Variants in BTBD3 observed in about 807,000 individuals in gnomAD.
BTBD3 encodes BTB domain containing 3.
BTBD3 carries 14 observed loss-of-function variants against 41.6 expected under a neutral mutation model. The ratio of observed to expected loss-of-function variants is 0.34; its 90% CI spans 0.22 to 0.53. The LOEUF (loss-of-function observed/expected upper bound fraction) is 0.53, where lower values mean the gene tolerates loss of function less well. Among genes scored for constraint, BTBD3 ranks in the 20% least tolerant of loss-of-function variants. The pLI is 0.95. For missense variants in BTBD3, 426 were observed against 654.7 expected, an observed-to-expected ratio of 0.65 and a Z score of 3.81; for synonymous variants, 249 against 233.7, an observed-to-expected ratio of 1.07 and a Z score of -0.60.
rs116772045 is a variant in BTBD3 at position 11,911,309 on chromosome 20, T to A, written c.-125-7025T>A. On this transcript the variant is annotated intron_variant, in intron 1 of 4. Transcript: ENST00000254977. ...ACACAGAGTTTTAGTTGGGTATTGG[T>A]CATAATCATATTAAAATGTAAAGAA... Among the ~76,000 whole-genome samples the A allele has an allele frequency of 3.7e-3, 558 of 152,334 alleles. 5 individuals are homozygous for A. Among genetic ancestry groups the A allele is most frequent in the African/African-American group, 0.013 (539 of 41,580 alleles).
At chr20:11,905,651 G>A (rs2056848859) in intron 1 of BTBD3, among the ~76,000 whole-genome samples, 1 of 152,166 alleles carries the variant, frequency 6.6e-6, no homozygotes, top group South Asian at 2.1e-4. Flanking sequence ...TGCTCCTTTG[G>A]CACTGTTCAC....
chr20:11,901,893 A>G (rs2056825859), intron 1 of BTBD3, among the ~76,000 whole-genome samples: 1 of 152,184 alleles, frequency 6.6e-6, no homozygotes, highest in Non-Finnish European at 1.5e-5. Context: ...CTGAGTGTGA[A>G]GTAGTTGTGA....
intron 1 of BTBD3, among the ~76,000 whole-genome samples, chr20:11,911,683 A>T (rs976400279): frequency 2.0e-5 from 3 of 152,246 alleles, no homozygotes; most frequent in Non-Finnish European, 2.9e-5. Context: ...GACAAACTTG[A>T]TCTAGAGTAT....
chr20:11,906,231 A>G (rs1600233710), intron 1 of BTBD3, among the ~76,000 whole-genome samples: 5 of 104,340 alleles, frequency 4.8e-5, no homozygotes, highest in Non-Finnish European at 1.0e-4. Context: ...TACTGATACC[A>G]TAATTTCCAT....
rs1425937840 is a variant in BTBD3, at chr20:11,925,440, T to C, written c.*1774T>C. ...GAGGAGAACACTGGATTATTGGAAA[T>C]GTTTTAATCACTCTTGCCATTACCT... On this transcript the variant is annotated 3_prime_UTR_variant, in exon 4 of 4. Coordinates refer to ENST00000378226, the MANE Select transcript of BTBD3 (RefSeq NM_014962.4). 1 of 152,674 alleles carries C rather than the reference T, an allele frequency of 6.5e-6. No individual in the cohort carries two copies. The highest frequency in any genetic ancestry group is 1.5e-5 in the Non-Finnish European group (1 of 68,044). The allele number at this position is 152,674 out of a possible 1,614,324, so 9.5% of individuals were successfully genotyped here. A position where few individuals can be genotyped will look rare whatever the true frequency, so the allele number is the denominator to read the frequency against.
intron 3 of BTBD3, among the ~76,000 whole-genome samples, chr20:11,920,236 C>T (rs2056957609): frequency 6.6e-6 from 1 of 152,196 alleles, no homozygotes; most frequent in African/African-American, 2.4e-5. Flanking sequence ...ATTTAAGTAA[C>T]ACCAGTTGGG....
At chr20:11,900,048 G>C (rs965598131) in intron 1 of BTBD3, among the ~76,000 whole-genome samples, 2 of 152,122 alleles carry the variant, frequency 1.3e-5, no homozygotes, top group Admixed American at 6.5e-5. Context: ...ATTTTTCTAT[G>C]ATGCTATATA....
At chr20:11,898,702 C>T (rs867086537) in intron 1 of BTBD3, among the ~76,000 whole-genome samples, 6 of 152,242 alleles carry the variant, frequency 3.9e-5, no homozygotes, top group Middle Eastern at 3.4e-3. Flanking sequence ...CATAAAGCAA[C>T]ACATGCATAG....
chr20:11,919,356 C>G (rs956933252), intron 2 of BTBD3, 180 bp downstream of exon 2: 110 of 1,415,886 alleles, frequency 7.8e-5, no homozygotes, highest in Non-Finnish European at 9.5e-5. Flanking sequence ...TCTTTGTTTC[C>G]TTCTATACTG....
At chr20:11,910,877 C>T (rs1259818726) in intron 1 of BTBD3, among the ~76,000 whole-genome samples, 1 of 152,122 alleles carries the variant, frequency 6.6e-6, no homozygotes, top group African/African-American at 2.4e-5. Flanking sequence ...GATATTCTAC[C>T]ATATCAATGG....
At chr20:11,913,230 T>G (rs2056899787), upstream of BTBD3, 1 of 152,210 alleles carries the variant, frequency 6.6e-6, no homozygotes, top group East Asian at 1.9e-4. Context: ...TTAGAGCAAG[T>G]TAAACAAGAG....
chr20:11,906,254 C>CTTTTTTTTTTTTTTCTTTTTTTTT (rs2056853378), intron 1 of BTBD3, among the ~76,000 whole-genome samples: 1 of 36,194 alleles, frequency 2.8e-5, no homozygotes, highest in Non-Finnish European at 4.9e-5. Context: ...ATTATTACTC[C>CTTTTTTTTTTTTTTCTTTTTTTTT]TTTTTTTTTT....
chr20:11,920,931 T>C (rs1400429089), intron 3 of BTBD3, among the ~76,000 whole-genome samples: 2 of 117,364 alleles, frequency 1.7e-5, no homozygotes, highest in South Asian at 3.1e-4. Flanking sequence ...TTTTGAAATA[T>C]AATTGTCACT....
intron 1 of BTBD3, among the ~76,000 whole-genome samples, chr20:11,897,340 C>A (rs1408127730): frequency 1.3e-5 from 2 of 152,146 alleles, no homozygotes; most frequent in Non-Finnish European, 2.9e-5. Context: ...AATTTCTGAT[C>A]TTTCTCTGCA....
At chr20:11,900,830 C>G (rs747956349) in intron 1 of BTBD3, among the ~76,000 whole-genome samples, 11 of 151,802 alleles carry the variant, frequency 7.2e-5, no homozygotes, top group Non-Finnish European at 1.3e-4. Flanking sequence ...GCCTCAGCCT[C>G]CCGAGTAGCT....
chr20:11,919,614 C>A, intron 2 of BTBD3, 104 bp from the exon 3 acceptor site: 2 of 1,279,752 alleles, frequency 1.6e-6, no homozygotes, highest in Non-Finnish European at 2.2e-6. Context: ...ATTTTAGGTA[C>A]GCTATGTTTA....
At chr20:11,914,643 AAAG>A (rs987428905), upstream of BTBD3, among the ~76,000 whole-genome samples, 5 of 152,036 alleles carry the variant, frequency 3.3e-5, no homozygotes, top group African/African-American at 1.2e-4. Context: ...AATAAAAAAA[AAAG>A]AAAAGAACCT....
chr20:11,917,544 C>T (rs914469572), upstream of BTBD3, among the ~76,000 whole-genome samples: 11 of 152,134 alleles, frequency 7.2e-5, no homozygotes, highest in African/African-American at 2.7e-4. Context: ...AAACTAAATG[C>T]TGCTGGGAAA....
At position 11,918,201 on chromosome 20, in the gene BTBD3, C is replaced by A; in HGVS notation, c.-75C>A. The A allele has an allele frequency of 6.7e-7, 1 of 1,500,476 alleles. No homozygotes were observed. Among genetic ancestry groups the A allele is most frequent in the African/African-American group, 1.4e-5 (1 of 71,676 alleles). The allele number at this position is 1,500,476 out of a possible 1,614,324, so 92.9% of individuals were successfully genotyped here. On this transcript the variant is annotated 5_prime_UTR_variant, in exon 1 of 4. Coordinates refer to ENST00000378226, the MANE Select transcript of BTBD3 (RefSeq NM_014962.4). ...TTGTTGGTTTCAGTTAACCTCTTAG[C>A]CCGGGCTAATCTCTTTTCCTTGATG...
Sources: allele counts gnomAD v4.1 joint callset (sites outside exome capture counted in the v4.1 genomes callset), GRCh38; gene constraint gnomAD v4.1.1; transcripts MANE v1.5; gene names NCBI Gene and HGNC (gene_info 2026-07-23, HGNC 2026-07-21).